Variants in CCDC169 observed in about 807,000 individuals in gnomAD.
The protein encoded by CCDC169 is coiled-coil domain containing 169, also known as coiled-coil domain-containing protein 169.
CCDC169 carries 30 observed loss-of-function variants against 36.0 expected under a neutral mutation model. That is an observed-to-expected ratio of 0.83 (90% CI 0.62 to 1.13). The LOEUF is 1.13. Among genes scored for constraint, CCDC169 ranks in the 50% most tolerant of loss-of-function variants. CCDC169 has a pLI of 0.00. For synonymous variants in CCDC169, 85 were observed against 81.5 expected (o/e 1.04, Z -0.23); for missense variants, 245 against 245.9 (o/e 1.00, Z 0.03).
chr13:36,260,758 G>A (rs1056327921), intron 4 of CCDC169, among the ~76,000 whole-genome samples: 6 of 151,882 alleles, frequency 4.0e-5, no homozygotes, highest in East Asian at 3.9e-4. Context: ...TCTCCTTTTC[G>A]TGATCATATT....
At chr13:36,265,912 C>T (rs932890694) in intron 4 of CCDC169, among the ~76,000 whole-genome samples, 3 of 152,142 alleles carry the variant, frequency 2.0e-5, no homozygotes, top group Non-Finnish European at 2.9e-5. Flanking sequence ...TAGGAATCAA[C>T]GTTAACTCAG....
chr13:36,226,442 G>T (rs2138360959), downstream of CCDC169: 1 of 152,330 alleles, frequency 6.6e-6, no homozygotes, highest in African/African-American at 2.4e-5. Flanking sequence ...GCTCCTATGA[G>T]GATTTAATGC....
At chr13:36,280,734 T>C (rs1819837176) in intron 4 of CCDC169, 2 of 152,272 alleles carry the variant, frequency 1.3e-5, no homozygotes, top group Admixed American at 1.3e-4. Context: ...GATTTTATGA[T>C]ATTCTTTTTC....
chr13:36,235,559 A>T (rs919288219), intron 7 of CCDC169, among the ~76,000 whole-genome samples: 1 of 151,998 alleles, frequency 6.6e-6, no homozygotes, highest in Non-Finnish European at 1.5e-5. Context: ...TCTCTCTAAG[A>T]TAAGGAACAA....
chr13:36,238,355 C>A (rs777143379), intron 7 of CCDC169, among the ~76,000 whole-genome samples: 4 of 152,168 alleles, frequency 2.6e-5, no homozygotes, highest in Non-Finnish European at 4.4e-5. Context: ...CAGCCTTCAA[C>A]TCCTGGGCTC....
chr13:36,241,006 A>T (rs1318226476), intron 7 of CCDC169, among the ~76,000 whole-genome samples: 3 of 152,108 alleles, frequency 2.0e-5, no homozygotes, highest in Non-Finnish European at 4.4e-5. Context: ...AATACATAGT[A>T]TTATGTCTAC....
At chr13:36,241,713 T>G (rs1289710462) in intron 7 of CCDC169, among the ~76,000 whole-genome samples, 1 of 148,980 alleles carries the variant, frequency 6.7e-6, no homozygotes, top group Non-Finnish European at 1.5e-5. Flanking sequence ...TGTAAATGTA[T>G]GCACCATTCT....
At chr13:36,297,395 T>C (rs751173870) in intron 1 of CCDC169, among the ~76,000 whole-genome samples, 2 of 152,288 alleles carry the variant, frequency 1.3e-5, no homozygotes, top group East Asian at 1.9e-4. Context: ...CGCCATATGA[T>C]TGGATCCTTA....
chr13:36,251,287 A>G (rs1335352661), intron 6 of CCDC169, among the ~76,000 whole-genome samples: 1 of 152,176 alleles, frequency 6.6e-6, no homozygotes, highest in Non-Finnish European at 1.5e-5. Flanking sequence ...ACTGCAAATC[A>G]TCCATTAACC....
intron 2 of CCDC169, among the ~76,000 whole-genome samples, chr13:36,286,904 T>C (rs1383200899): frequency 5.3e-5 from 8 of 152,152 alleles, no homozygotes; most frequent in Non-Finnish European, 7.4e-5. Context: ...TTCCTGCCCA[T>C]AAAACCTGAC....
downstream of CCDC169, chr13:36,227,135 A>T: frequency 1.0e-6 from 1 of 1,000,630 alleles, no homozygotes; most frequent in Non-Finnish European, 1.4e-6. Flanking sequence ...TTCCTGGGGG[A>T]GGCTTAAAGA....
intron 4 of CCDC169, chr13:36,282,794 C>A (rs1201452849): frequency 1.3e-5 from 2 of 152,682 alleles, no homozygotes; most frequent in African/African-American, 4.8e-5. Flanking sequence ...AGTTAGAAAA[C>A]CAATTAAACG....
At chr13:36,241,769 A>T (rs151008755) in intron 7 of CCDC169, among the ~76,000 whole-genome samples, 6 of 152,276 alleles carry the variant, frequency 3.9e-5, no homozygotes, top group African/African-American at 1.2e-4. Context: ...AAGGTATATG[A>T]TCAGCTAAAT....
intron 2 of CCDC169, among the ~76,000 whole-genome samples, chr13:36,285,807 C>T (rs968188805): frequency 2.6e-5 from 4 of 152,086 alleles, no homozygotes; most frequent in Non-Finnish European, 5.9e-5. Flanking sequence ...AAGATAGACA[C>T]CAAAACAAGA....
chr13:36,284,088 T>A (rs1011192667), intron 2 of CCDC169, among the ~76,000 whole-genome samples: 2 of 151,964 alleles, frequency 1.3e-5, no homozygotes, highest in Admixed American at 1.3e-4. Flanking sequence ...ATTTCATATA[T>A]GATATTTCAT....
At chr13:36,250,946 C>A (rs2138461886) in intron 6 of CCDC169, among the ~76,000 whole-genome samples, 1 of 152,328 alleles carries the variant, frequency 6.6e-6, no homozygotes, top group Non-Finnish European at 1.5e-5. Flanking sequence ...TCCTCAATCT[C>A]TCAGAGCCAT....
At chr13:36,223,565 A>T (rs966479756), downstream of CCDC169, 3 of 152,148 alleles carry the variant, frequency 2.0e-5, no homozygotes, top group Non-Finnish European at 4.4e-5. Context: ...ATATTTATGT[A>T]GTGCTTTATT....
At chr13:36,265,028 G>A (rs1875099678) in intron 4 of CCDC169, among the ~76,000 whole-genome samples, 2 of 152,322 alleles carry the variant, frequency 1.3e-5, no homozygotes, top group South Asian at 4.1e-4. Flanking sequence ...ATCAATCACT[G>A]ACAGTGGGAT....
rs371268581 is a variant in CCDC169 at position 36,285,621 on chromosome 13, A to AGATAG, written c.164-1920_164-1919insCTATC. On this transcript the variant is annotated intron_variant, in intron 2 of 7. Transcript: ENST00000239859. ...TAGATAGATAGATAGATAGATAGAT[A>AGATAG]CATAGATACATAGATACATAGATAC... Among the ~76,000 whole-genome samples, 9 of 127,762 alleles carry AGATAG rather than the reference A, an allele frequency of 7.0e-5. No individual in the cohort carries two copies. The South Asian group carries it at 7.1e-4, about 10-fold the overall frequency. 83.8% of individuals were successfully genotyped at this position (127,762 alleles called of 152,430 possible). A position where few individuals can be genotyped will look rare whatever the true frequency, so the allele number is the denominator to read the frequency against.
Sources: gnomAD v4.1 joint callset for allele counts (sites outside exome capture counted in the v4.1 genomes callset) on GRCh38, gnomAD v4.1.1 for gene constraint, MANE v1.5 for transcripts, NCBI Gene and HGNC (gene_info 2026-07-23, HGNC 2026-07-21) for gene names.